PCGF3: variants seen among roughly 807,000 people sequenced by gnomAD.
PCGF3 encodes the protein polycomb group RING finger protein 3.
Under a neutral mutation model 33.1 loss-of-function variants are expected in PCGF3, and 7 were observed. The observed-to-expected ratio is 0.21, with a 90% CI of 0.12 to 0.40. PCGF3 has a LOEUF of 0.40. Among genes scored for constraint, PCGF3 ranks in the 10% least tolerant of loss-of-function variants. The probability of loss-of-function intolerance (pLI) is 1.00; values close to 1 mark genes in which losing one functional copy is unlikely to be tolerated. For missense variants in PCGF3, 211 were observed against 313.3 expected (o/e 0.67, Z 2.46); for synonymous variants, 153 against 121.3 (o/e 1.26, Z -1.72).
chr4:706,253 G>A (rs1281057365), intron 1 of PCGF3, among the ~76,000 whole-genome samples: 1 of 122,920 alleles, frequency 8.1e-6, no homozygotes, highest in African/African-American at 3.0e-5. Context: ...TAGGCAGGAC[G>A]CAGGGAGGGC....
intron 4 of PCGF3, 99 bp downstream of exon 4, chr4:733,888 A>G: frequency 6.3e-7 from 1 of 1,596,824 alleles, no homozygotes. Flanking sequence ...TTTTAGCTCA[A>G]GCCCGACAAA....
In PCGF3 at chr4:755,093, G is replaced by A. The variant is rs746389592; in HGVS notation, c.463-6186G>A. ...GCATTTCGAGGTGTGTAACGTACCCGCTTGATGGTGACTGCTGTGTGCACA... is the reference window on the plus strand; with the variant it reads ...GCATTTCGAGGTGTGTAACGTACCCACTTGATGGTGACTGCTGTGTGCACA... On this transcript the variant is annotated intron_variant, in intron 8 of 10. Transcript: ENST00000362003. Among the ~76,000 whole-genome samples, 14 of 152,240 alleles carry A rather than the reference G, an allele frequency of 9.2e-5. 1 individual carries two copies. Among genetic ancestry groups the A allele is most frequent in the East Asian group, 3.8e-4 (2 of 5,206 alleles).
At chr4:706,486 G>C (rs1471425027) in intron 1 of PCGF3, among the ~76,000 whole-genome samples, 1 of 135,356 alleles carries the variant, frequency 7.4e-6, no homozygotes, top group African/African-American at 2.9e-5. Context: ...AACAGGGAGG[G>C]CCAAGACCCC....
At chr4:726,320 T>A (rs1743331069) in intron 1 of PCGF3, among the ~76,000 whole-genome samples, 1 of 152,238 alleles carries the variant, frequency 6.6e-6, no homozygotes, top group South Asian at 2.1e-4. Flanking sequence ...AGATGGTGAA[T>A]ATCGTGCGGC....
At chr4:727,541 AGTTTT>A (rs1454956329) in intron 1 of PCGF3, among the ~76,000 whole-genome samples, 2 of 151,928 alleles carry the variant, frequency 1.3e-5, no homozygotes, top group Non-Finnish European at 2.9e-5. Context: ...TGCTTGGCTG[AGTTTT>A]GTTTTTTTTA....
At chr4:709,270 A>G (rs1448935875) in intron 1 of PCGF3, among the ~76,000 whole-genome samples, 4 of 151,998 alleles carry the variant, frequency 2.6e-5, no homozygotes, top group African/African-American at 9.7e-5. Flanking sequence ...GGCAAGAGTG[A>G]ATGATGCATG....
intron 1 of PCGF3, among the ~76,000 whole-genome samples, chr4:729,099 C>CAAAAA (rs34927260): frequency 1.2e-4 from 5 of 40,262 alleles, no homozygotes; most frequent in Non-Finnish European, 1.6e-4. Context: ...GACTCCATCT[C>CAAAAA]AAAAAAAAAA....
At chr4:733,855 T>G (rs1316905681) in intron 4 of PCGF3, 66 bp downstream of exon 4, 1 of 1,612,384 alleles carries the variant, frequency 6.2e-7, no homozygotes, top group Non-Finnish European at 8.5e-7. Context: ...CTTCAGAACC[T>G]TGGCTTTTGT....
At chr4:764,064 A>G (rs562209791) in intron 9 of PCGF3, among the ~76,000 whole-genome samples, 39 of 152,188 alleles carry the variant, frequency 2.6e-4, no homozygotes, top group Admixed American at 4.6e-4. Flanking sequence ...GTGGGCGGGC[A>G]CAGGGCTCCT....
intron 1 of PCGF3, among the ~76,000 whole-genome samples, chr4:719,194 C>A (rs1742977439): frequency 6.6e-6 from 1 of 152,126 alleles, no homozygotes; most frequent in Non-Finnish European, 1.5e-5. Flanking sequence ...ACCTTGTGAT[C>A]TGCCTGCCTG....
intron 7 of PCGF3, 174 bp downstream of exon 7, chr4:743,758 C>T (rs1744195790): frequency 3.6e-6 from 2 of 549,138 alleles, no homozygotes; most frequent in Non-Finnish European, 6.6e-6. Flanking sequence ...CTCCTGGTAC[C>T]AGTGGGAACG....
At chr4:761,825 G>T (rs1391552305) in intron 9 of PCGF3, 1 of 985,324 alleles carries the variant, frequency 1.0e-6, no homozygotes, top group African/African-American at 1.7e-5. Flanking sequence ...TTGGCAGCGG[G>T]CGCACCATGA....
intron 3 of PCGF3, among the ~76,000 whole-genome samples, chr4:733,052 C>T (rs1210319021): frequency 7.1e-6 from 1 of 141,220 alleles, no homozygotes; most frequent in Admixed American, 6.9e-5. Flanking sequence ...AGGGTGGGGC[C>T]CCTGCCGCGT....
chr4:727,510 G>T (rs1743382022), intron 1 of PCGF3, among the ~76,000 whole-genome samples: 1 of 151,976 alleles, frequency 6.6e-6, no homozygotes, highest in Admixed American at 6.5e-5. Context: ...AAAGTGCTGG[G>T]ATTACAAGCA....
At chr4:765,938 C>G in intron 10 of PCGF3, 94 bp from the exon 11 acceptor site, 1 of 1,112,186 alleles carries the variant, frequency 9.0e-7, no homozygotes, top group South Asian at 1.3e-5. Flanking sequence ...CTGTGCCTCA[C>G]GGGACGTGAT....
chr4:734,013 G>A lies in PCGF3; in HGVS notation c.109+224G>A, dbSNP rs1014624395. ...CAGATGAGGCCTCGCTTAGGAGAGC[G>A]AAACACAGGAGAGACCCCACATTCC... On this transcript the variant is annotated intron_variant, in intron 4 of 10. Transcript: ENST00000362003. 9.7e-6 allele frequency: 15 copies of A among 1,550,788 alleles called. No homozygotes were observed. In the Admixed American group the frequency reaches 1.6e-4, roughly 16 times the overall value.
intron 8 of PCGF3, among the ~76,000 whole-genome samples, chr4:754,437 T>G (rs1428491951): frequency 6.6e-6 from 1 of 151,768 alleles, no homozygotes; most frequent in East Asian, 1.9e-4. Context: ...GCCGGCGTGG[T>G]GAGGGTTGGC....
intron 1 of PCGF3, among the ~76,000 whole-genome samples, chr4:730,170 G>A (rs1743492295): frequency 6.6e-6 from 1 of 152,190 alleles, no homozygotes; most frequent in South Asian, 2.1e-4. Flanking sequence ...TCTGTGACTG[G>A]GAGAGAACAT....
intron 1 of PCGF3, among the ~76,000 whole-genome samples, chr4:707,802 T>C (rs1346389507): frequency 1.6e-4 from 20 of 126,058 alleles, no homozygotes; most frequent in South Asian, 3.2e-4. Context: ...TGTTTTCCCC[T>C]GGGGGCCGGG....
Sources: gnomAD v4.1 joint callset for allele counts (sites outside exome capture counted in the v4.1 genomes callset) on GRCh38, gnomAD v4.1.1 for gene constraint, MANE v1.5 for transcripts, NCBI Gene and HGNC (gene_info 2026-07-23, HGNC 2026-07-21) for gene names.